The following ICA1L variants were observed in gnomAD, a reference collection of about 807,000 sequenced individuals.
The protein encoded by ICA1L is islet cell autoantigen 1 like.
Under a neutral mutation model 61.3 loss-of-function variants are expected in ICA1L, and 50 were observed. That is an observed-to-expected ratio of 0.82 (90% CI 0.65 to 1.03). The LOEUF is 1.03. ICA1L is among the 50% of genes least tolerant of loss of function. The probability of loss-of-function intolerance (pLI) is 0.00; values close to 1 mark genes in which losing one functional copy is unlikely to be tolerated. For synonymous variants in ICA1L, 161 were observed against 191.3 expected (o/e 0.84, Z 1.31); for missense variants, 508 against 556.7 (o/e 0.91, Z 0.88).
intron 1 of ICA1L, among the ~76,000 whole-genome samples, chr2:202,861,099 G>A (rs537162985): frequency 7.9e-5 from 12 of 150,988 alleles, no homozygotes; most frequent in Non-Finnish European, 1.8e-4. Flanking sequence ...GTGTGGTGGC[G>A]GGTGCCTGTA....
intron 1 of ICA1L, among the ~76,000 whole-genome samples, chr2:202,855,886 C>T (rs1483602924): frequency 6.6e-6 from 1 of 151,932 alleles, no homozygotes; most frequent in East Asian, 1.9e-4. Context: ...CCAGCCTGGC[C>T]AACATCGTGA....
intron 9 of ICA1L, among the ~76,000 whole-genome samples, chr2:202,804,637 A>G (rs1693175760): frequency 6.6e-6 from 1 of 152,170 alleles, no homozygotes; most frequent in Non-Finnish European, 1.5e-5. Flanking sequence ...AAAGATATAG[A>G]AGACGTAGAG....
chr2:202,863,212 A>G (rs541180978), intron 1 of ICA1L, among the ~76,000 whole-genome samples: 31 of 152,182 alleles, frequency 2.0e-4, no homozygotes, highest in African/African-American at 7.0e-4. Flanking sequence ...GAATCAGTTG[A>G]ACCCGGGAGG....
rs999057107 is a variant in ICA1L, at chr2:202,779,355, T to C, written c.*178A>G. The C allele has an allele frequency of 1.6e-5, 7 of 445,182 alleles. No homozygotes were observed. The highest frequency in any genetic ancestry group is 4.0e-4 in the Middle Eastern group (1 of 2,516). 27.6% of individuals were successfully genotyped at this position (445,182 alleles called of 1,614,324 possible). ...TACCAACAGCTGCAAATCCAAGATA[T>C]GAAAGATGTGTACTTATTCAAATGT... is the stretch of plus-strand genomic sequence containing the variant. On this transcript the variant is annotated 3_prime_UTR_variant, in exon 13 of 13. Transcript: ENST00000358299.
chr2:202,855,917 T>C (rs1379242347), intron 1 of ICA1L, among the ~76,000 whole-genome samples: 1 of 151,740 alleles, frequency 6.6e-6, no homozygotes, highest in Admixed American at 6.6e-5. Context: ...CTACTAAAAA[T>C]ACAAAAATTA....
chr2:202,782,388 TTTG>T (rs1388709118), intron 12 of ICA1L, among the ~76,000 whole-genome samples: 1 of 151,682 alleles, frequency 6.6e-6, no homozygotes, highest in Non-Finnish European at 1.5e-5. Context: ...TATTAATTTT[TTTG>T]TTGTTGTTTG....
chr2:202,821,209 A>G (rs990941404), intron 4 of ICA1L, 149 bp downstream of exon 4: 2 of 571,112 alleles, frequency 3.5e-6, no homozygotes, highest in Non-Finnish European at 5.7e-6. Context: ...AGTAATTAAG[A>G]ATTAGGTGTC....
chr2:202,797,105 A>C, intron 9 of ICA1L, 141 bp from the exon 10 acceptor site: 1 of 556,386 alleles, frequency 1.8e-6, no homozygotes, highest in Non-Finnish European at 3.1e-6. Flanking sequence ...ATAAAAATTT[A>C]AATAATCTTA....
In ICA1L at chr2:202,774,666, G is replaced by C; in HGVS notation, c.*4867C>G. The stretch of plus-strand genomic sequence containing the variant: ...GCGGAGAGGCCTAAGACATGGGCAG[G>C]AGCCTTTGGGTCAGGGAGAAGCACA... On this transcript the variant is annotated 3_prime_UTR_variant, in exon 13 of 13. Transcript: ENST00000358299. 1 of 209,596 alleles carries C rather than the reference G, an allele frequency of 4.8e-6. No homozygotes were observed. Among genetic ancestry groups the C allele is most frequent in the Non-Finnish European group, 9.4e-6 (1 of 106,348 alleles). The allele number at this position is 209,596 out of a possible 1,614,324, so 13.0% of individuals were successfully genotyped here.
At chr2:202,856,202 C>A (rs1174225723) in intron 1 of ICA1L, among the ~76,000 whole-genome samples, 1 of 152,130 alleles carries the variant, frequency 6.6e-6, no homozygotes, top group Non-Finnish European at 1.5e-5. Context: ...GCCAATATCC[C>A]TGATGAATAT....
At chr2:202,803,616 C>G (rs1693149930) in intron 9 of ICA1L, among the ~76,000 whole-genome samples, 1 of 152,090 alleles carries the variant, frequency 6.6e-6, no homozygotes, top group Admixed American at 6.5e-5. Context: ...CTCACTGCAG[C>G]CTCTACCTAC....
In ICA1L at chr2:202,783,907, G is replaced by C. The variant is rs184423075; in HGVS notation, c.1333+2011C>G. Among the ~76,000 whole-genome samples, 904 of 151,810 alleles carry C rather than the reference G, an allele frequency of 6.0e-3. 15 individuals are homozygous for C. Among genetic ancestry groups the C allele is most frequent in the South Asian group, 5.2e-3 (25 of 4,768 alleles). ...GAAGAAATTTATATGTATATGATGGGGGGGTGGGGAAGAAAGAGGATGAGT... is the reference window on the plus strand; with the variant it reads ...GAAGAAATTTATATGTATATGATGGCGGGGTGGGGAAGAAAGAGGATGAGT... On this transcript the variant is annotated intron_variant, in intron 12 of 12. Coordinates refer to ENST00000358299, the MANE Select transcript of ICA1L (RefSeq NM_001288622.3).
At chr2:202,838,427 ATATGT>A (rs1477204838) in intron 1 of ICA1L, among the ~76,000 whole-genome samples, 1 of 152,182 alleles carries the variant, frequency 6.6e-6, no homozygotes, top group Non-Finnish European at 1.5e-5. Flanking sequence ...TTCTGCATAT[ATATGT>A]TATATCCATT....
intron 6 of ICA1L, among the ~76,000 whole-genome samples, chr2:202,816,501 C>T (rs1209041187): frequency 6.6e-6 from 1 of 152,168 alleles, no homozygotes; most frequent in Non-Finnish European, 1.5e-5. Flanking sequence ...CTCAAGCTAA[C>T]TCAAGTAATT....
intron 12 of ICA1L, among the ~76,000 whole-genome samples, chr2:202,785,646 C>A (rs1692557457): frequency 6.6e-6 from 1 of 152,110 alleles, no homozygotes; most frequent in African/African-American, 2.4e-5. Context: ...AGGCTGGTCT[C>A]CAACTCCTAA....
intron 9 of ICA1L, among the ~76,000 whole-genome samples, chr2:202,806,413 C>T (rs982271548): frequency 3.3e-5 from 5 of 151,906 alleles, no homozygotes; most frequent in African/African-American, 9.7e-5. Context: ...CAAATCCTTC[C>T]GAAGGCGGAT....
intron 1 of ICA1L, among the ~76,000 whole-genome samples, chr2:202,837,887 CTT>C (rs1348653802): frequency 1.3e-5 from 2 of 151,926 alleles, no homozygotes; most frequent in African/African-American, 4.8e-5. Flanking sequence ...GAGTTTCACT[CTT>C]GTTGCTCAGG....
At chr2:202,853,874 C>T (rs185663167) in intron 1 of ICA1L, among the ~76,000 whole-genome samples, 238 of 152,224 alleles carry the variant, frequency 1.6e-3, no homozygotes, top group Non-Finnish European at 2.1e-3. Context: ...GCCTGCCTTA[C>T]GAGAGCTCCT....
chr2:202,851,507 A>G (rs1038583108), intron 1 of ICA1L, among the ~76,000 whole-genome samples: 6 of 152,214 alleles, frequency 3.9e-5, no homozygotes, highest in Admixed American at 2.6e-4. Context: ...CATGATTTAT[A>G]ATCCTTTGGG....
Sources: gnomAD v4.1 joint callset for allele counts (sites outside exome capture counted in the v4.1 genomes callset) on GRCh38, gnomAD v4.1.1 for gene constraint, MANE v1.5 for transcripts, NCBI Gene and HGNC (gene_info 2026-07-23, HGNC 2026-07-21) for gene names.